The following PALLD variants were observed in gnomAD, a reference collection of about 807,000 sequenced individuals.
PALLD encodes the protein palladin.
PALLD carries 61 observed loss-of-function variants against 123.5 expected under a neutral mutation model. The ratio of observed to expected loss-of-function variants is 0.49; its 90% confidence interval spans 0.40 to 0.61. The LOEUF (loss-of-function observed/expected upper bound fraction) is 0.61. PALLD is among the 20% of genes least tolerant of loss of function. The pLI is 0.00. For synonymous variants in PALLD, 465 were observed against 496.4 expected (o/e 0.94, Z 0.84); for missense variants, 1,273 against 1,377.0 (o/e 0.92, Z 1.20).
At chr4:168,526,290 C>A (rs1389528378) in intron 2 of PALLD, among the ~76,000 whole-genome samples, 4 of 152,152 alleles carry the variant, frequency 2.6e-5, no homozygotes, top group African/African-American at 9.7e-5. Flanking sequence ...TTCTCTTTGC[C>A]TTTGGATAGT....
intron 10 of PALLD, chr4:168,829,273 T>C (rs1743861982): frequency 7.5e-6 from 1 of 132,998 alleles, no homozygotes; most frequent in African/African-American, 2.7e-5. Flanking sequence ...CGGGCACCTG[T>C]AGTTGGAATA....
At chr4:168,687,611 A>G (rs921286548) in intron 6 of PALLD, among the ~76,000 whole-genome samples, 4 of 152,112 alleles carry the variant, frequency 2.6e-5, no homozygotes, top group Non-Finnish European at 4.4e-5. Context: ...GGAAGCAAAG[A>G]TTTGCTTTCT....
At position 168,677,571 on chromosome 4, in the gene PALLD, A is replaced by G. The variant is rs561766980; in HGVS notation, c.1088-3761A>G. ...GAAAAGTAACTGTTTTCTCTCCCCA[A>G]TTTTTCGCTACCTTGAGAGTGTGTG... is the stretch of plus-strand genomic sequence containing the variant. On this transcript the variant is annotated intron_variant, in intron 3 of 21. Transcript: ENST00000505667. Among the ~76,000 whole-genome samples, 24 of 151,900 alleles carry G rather than the reference A, an allele frequency of 1.6e-4. 2 individuals carry two copies. Among genetic ancestry groups the G allele is most frequent in the Middle Eastern group, 3.4e-3 (1 of 292 alleles).
At chr4:168,892,344 T>G (rs904894862) in intron 11 of PALLD, among the ~76,000 whole-genome samples, 13 of 152,046 alleles carry the variant, frequency 8.6e-5, no homozygotes, top group African/African-American at 2.9e-4. Context: ...TCAGACACCT[T>G]TTTCAGAGTA....
chr4:168,512,082 C>T lies in PALLD; in HGVS notation c.578C>T (p.Pro193Leu), dbSNP rs748557650. 3.1e-6 allele frequency: 5 copies of T among 1,614,080 alleles called. No homozygotes were observed. In the South Asian group the frequency reaches 5.5e-5, roughly 18 times the overall value. The change falls in exon 2 of 22, where the codon CCA (proline) becomes CTA (leucine). Residue 193 changes from proline (P) to leucine (L), a missense_variant. Pro to Leu is a moderately conservative substitution (Grantham distance 98). Coordinates refer to ENST00000505667, the MANE Select transcript of PALLD (RefSeq NM_001166108.2). ...GCCGCAAAGCCAAGAAACAGAAGCCCAAATGGGGAGTCCTCGTCACCAGAC... is the reference window on the plus strand; with the variant it reads ...GCCGCAAAGCCAAGAAACAGAAGCCTAAATGGGGAGTCCTCGTCACCAGAC... ...FKAAKPRNRS[P>L]NGESSSPDSG...
At chr4:168,766,099 A>T (rs1249457038) in intron 10 of PALLD, among the ~76,000 whole-genome samples, 8 of 152,196 alleles carry the variant, frequency 5.3e-5, no homozygotes, top group African/African-American at 1.9e-4. Flanking sequence ...TTTCTTCCCC[A>T]CCCAACACAC....
intron 10 of PALLD, among the ~76,000 whole-genome samples, chr4:168,852,405 T>C (rs1468723915): frequency 1.3e-4 from 20 of 151,984 alleles, no homozygotes; most frequent in Admixed American, 7.2e-4. Context: ...TTGAGAGAGC[T>C]GGGAAAGAAG....
At chr4:168,798,721 G>T (rs1182207561) in intron 10 of PALLD, among the ~76,000 whole-genome samples, 2 of 152,094 alleles carry the variant, frequency 1.3e-5, no homozygotes, top group Non-Finnish European at 2.9e-5. Context: ...CAAACATTAA[G>T]TATCTGCTGA....
At chr4:168,685,462 T>C in intron 5 of PALLD, 23 bp from the exon 6 acceptor site, 1 of 1,503,290 alleles carries the variant, frequency 6.7e-7, no homozygotes, top group Non-Finnish European at 9.3e-7. Flanking sequence ...TAGAATTTGA[T>C]CCATATGTCT....
intron 2 of PALLD, among the ~76,000 whole-genome samples, chr4:168,622,403 T>A (rs752716450): frequency 6.6e-6 from 1 of 152,204 alleles, no homozygotes; most frequent in Non-Finnish European, 1.5e-5. Context: ...TCAAACAATG[T>A]CTCTCACCAG....
At chr4:168,657,676 C>A (rs1778714223) in intron 2 of PALLD, among the ~76,000 whole-genome samples, 1 of 152,190 alleles carries the variant, frequency 6.6e-6, no homozygotes, top group South Asian at 2.1e-4. Flanking sequence ...TGGGTGAATG[C>A]CAGCAGTTGT....
chr4:168,914,317 G>A (rs1277730845), intron 16 of PALLD, among the ~76,000 whole-genome samples: 1 of 152,168 alleles, frequency 6.6e-6, no homozygotes, highest in Non-Finnish European at 1.5e-5. Flanking sequence ...AATGGCATAT[G>A]AAAATACTAC....
At chr4:168,771,512 C>G (rs1232268779) in intron 10 of PALLD, among the ~76,000 whole-genome samples, 1 of 152,136 alleles carries the variant, frequency 6.6e-6, no homozygotes, top group East Asian at 1.9e-4. Flanking sequence ...AGAAGGCAGG[C>G]ACCCATACAT....
chr4:168,520,348 AGAG>A (rs1407108156), intron 2 of PALLD, among the ~76,000 whole-genome samples: 2 of 23,062 alleles, frequency 8.7e-5, no homozygotes, highest in African/African-American at 6.4e-4. Flanking sequence ...AAAAAAAAAA[AGAG>A]AGAGAGAGAA....
At chr4:168,537,800 C>A (rs991832106) in intron 2 of PALLD, 1 of 152,080 alleles carries the variant, frequency 6.6e-6, no homozygotes, top group East Asian at 1.9e-4. Flanking sequence ...CAAAGGCAGA[C>A]AAAAATGAGA....
At chr4:168,896,465 T>A in intron 12 of PALLD, 84 bp from the exon 13 acceptor site, 1 of 819,728 alleles carries the variant, frequency 1.2e-6, no homozygotes, top group Non-Finnish European at 2.0e-6. Context: ...AGCACAAAAG[T>A]TTCACTTAAG....
chr4:168,631,731 G>C (rs964153321), intron 2 of PALLD: 1 of 985,398 alleles, frequency 1.0e-6, no homozygotes, highest in Non-Finnish European at 1.2e-6. Context: ...CAGCAGGCAA[G>C]GGGCCGGCCT....
At chr4:168,684,240 T>C (rs972199860) in intron 5 of PALLD, among the ~76,000 whole-genome samples, 3 of 152,134 alleles carry the variant, frequency 2.0e-5, no homozygotes, top group Non-Finnish European at 2.9e-5. Flanking sequence ...TACACACACA[T>C]CTAGATATGT....
chr4:168,517,293 TAAAC>T (rs1763078188), intron 2 of PALLD, among the ~76,000 whole-genome samples: 2 of 152,174 alleles, frequency 1.3e-5, no homozygotes, highest in South Asian at 4.1e-4. Flanking sequence ...AAAAAACTTT[TAAAC>T]ACCCACTTAT....
Sources: allele counts gnomAD v4.1 joint callset (sites outside exome capture counted in the v4.1 genomes callset), GRCh38; gene constraint gnomAD v4.1.1; transcripts MANE v1.5; gene names NCBI Gene and HGNC (gene_info 2026-07-23, HGNC 2026-07-21).